FGD5: variants seen among roughly 807,000 people sequenced by gnomAD.
The protein encoded by FGD5 is FYVE, RhoGEF and PH domain-containing protein 5.
In FGD5, 28 loss-of-function variants were observed where a neutral mutation model predicts 133.4. That is an observed-to-expected ratio of 0.21 (90% CI 0.16 to 0.29). The LOEUF (loss-of-function observed/expected upper bound fraction) is 0.29. Among genes scored for constraint, FGD5 ranks in the 10% least tolerant of loss-of-function variants. The pLI is 1.00. For missense variants in FGD5, 1,858 were observed against 1,895.2 expected (o/e 0.98, Z 0.36); for synonymous variants, 810 against 776.5 (o/e 1.04, Z -0.72).
intron 12 of FGD5, among the ~76,000 whole-genome samples, chr3:14,918,256 G>A (rs1172293512): frequency 3.3e-5 from 5 of 152,264 alleles, no homozygotes; most frequent in African/African-American, 1.2e-4. Context: ...AGGTGGGACA[G>A]TGGAGCCGCA....
chr3:14,859,585 G>T (rs191199532), intron 1 of FGD5, among the ~76,000 whole-genome samples: 260 of 151,754 alleles, frequency 1.7e-3, no homozygotes, highest in African/African-American at 5.9e-3. Flanking sequence ...AAGAAAGAAA[G>T]AAAAGTTACC....
chr3:14,810,748 G>A, upstream of FGD5: 1 of 948,732 alleles, frequency 1.1e-6, no homozygotes. Flanking sequence ...GCCAGGGGGT[G>A]CGGGCCCCGC....
At position 14,819,525 on chromosome 3, in the gene FGD5, G is replaced by A. The variant is rs1176074949; in HGVS notation, c.454G>A (p.Asp152Asn). ...TGAGGATGAAGGGGAGGGCTGCGCT[G>A]ATGAGCCAGGGACACTGGAGCAGGT... ...ALEDEGEGCA[D>N]EPGTLEQVSR... Residue 152 changes from aspartate (D) to asparagine (N), a missense_variant, in exon 1 of 20, where the codon GAT (aspartate) becomes AAT (asparagine). Physicochemically the swap from Asp to Asn is conservative, Grantham distance 23. Around this residue, in one of 3 missense-constraint regions of FGD5, gnomAD observed 1,824 missense variants for 1,848.9 expected, o/e 0.99. Transcript: ENST00000285046. This position sits in a 1 kb window ranked among gnomAD's most constrained non-coding sequence, Gnocchi z 4.1. The A allele has an allele frequency of 2.6e-6, 4 of 1,551,384 alleles. No individual in the cohort carries two copies. The African/African-American group carries it at 5.5e-5, about 21-fold the overall frequency.
chr3:14,890,540 A>G (rs944909164), intron 4 of FGD5, among the ~76,000 whole-genome samples: 10 of 152,242 alleles, frequency 6.6e-5, no homozygotes, highest in African/African-American at 1.9e-4. Context: ...TGATGGGCCC[A>G]AGTTGATGAG....
intron 1 of FGD5, among the ~76,000 whole-genome samples, chr3:14,839,591 G>T (rs762220346): frequency 3.9e-5 from 6 of 152,218 alleles, no homozygotes; most frequent in Non-Finnish European, 7.3e-5. Flanking sequence ...TGCTAGGACA[G>T]TCCAGAGGGA....
rs1322015791 is a variant in FGD5, at chr3:14,844,213, AAAAAATATATATATATATATATAT to A, written c.2526-19913_2526-19890del. ...ACATCTTAATAGGCATTAAAAAAAA[AAAAAATATATATATATATATATAT>A]ATATATATATATATATATATATATA... On this transcript the variant is annotated intron_variant, in intron 1 of 19. Transcript: ENST00000285046. Among the ~76,000 whole-genome samples, 13 of 32,648 alleles carry A rather than the reference AAAAAATATATATATATATATATAT, an allele frequency of 4.0e-4. 1 individual carries two copies. The highest frequency in any genetic ancestry group is 0.024 in the Middle Eastern group (2 of 82). 21.4% of individuals were successfully genotyped at this position (32,648 alleles called of 152,430 possible).
chr3:14,869,855 G>T (rs78820346), intron 2 of FGD5, among the ~76,000 whole-genome samples: 13,091 of 152,274 alleles, frequency 0.086, 773 homozygotes, highest in East Asian at 0.31. Context: ...CAGATGCATG[G>T]GTTGCTTTCA....
intron 17 of FGD5, among the ~76,000 whole-genome samples, chr3:14,925,786 A>G (rs1013393073): frequency 3.9e-5 from 6 of 152,192 alleles, no homozygotes; most frequent in Non-Finnish European, 8.8e-5. Flanking sequence ...AAGTTTCTTG[A>G]GTTGAGGGGC....
At chr3:14,910,194 AT>A (rs1428149384) in intron 10 of FGD5, among the ~76,000 whole-genome samples, 8 of 152,226 alleles carry the variant, frequency 5.3e-5, no homozygotes, top group Non-Finnish European at 8.8e-5. Context: ...GCAGAATGTA[AT>A]ACAGAGCATG....
At position 14,820,161 on chromosome 3, in the gene FGD5, C is replaced by T. The variant is rs778365056; in HGVS notation, c.1090C>T (p.Pro364Ser). ...CTCTTTTTGCAGCGAGAGCTGTTCT[C>T]CTCTTTCTGAATCAGCGAAAGGTTT... ...STSFCSESCS[P>S]LSESAKGLES... Residue 364 changes from proline to serine, a missense_variant, in exon 1 of 20, where the codon CCT (proline) becomes TCT (serine). Coordinates refer to ENST00000285046, the MANE Select transcript of FGD5 (RefSeq NM_152536.4). The T allele has an allele frequency of 2.5e-6, 4 of 1,613,958 alleles. No individual in the cohort carries two copies. In the East Asian group the frequency reaches 6.7e-5, roughly 27 times the overall value.
In FGD5 at chr3:14,820,250, G is replaced by C; in HGVS notation, c.1179G>C (p.Leu393Phe). The change falls in exon 1 of 20, where the codon TTG (leucine) becomes TTC (phenylalanine). Residue 393 changes from leucine to phenylalanine, a missense_variant. Physicochemically the swap from Leu to Phe is conservative, Grantham distance 22. Coordinates refer to ENST00000285046, the MANE Select transcript of FGD5 (RefSeq NM_152536.4). ...AGGAGAACCCCATGGTGGGGGCTTT[G>C]TGTGGCCAGTGTGGCTCCCTACAGG... The part of the protein sequence containing the change: ...RAEENPMVGA[L>F]CGQCGSLQGG... 3 of 1,603,872 alleles carry C rather than the reference G, an allele frequency of 1.9e-6. No homozygotes were observed. Among genetic ancestry groups the C allele is most frequent in the African/African-American group, 2.7e-5 (2 of 74,818 alleles).
At chr3:14,932,457 G>A (rs1470939146) in intron 18 of FGD5, 120 bp from the exon 19 acceptor site, 12 of 1,169,736 alleles carry the variant, frequency 1.0e-5, no homozygotes, top group African/African-American at 9.4e-5. Context: ...TGGTGAGCCC[G>A]AAGGTGCCAA....
chr3:14,914,994 G>A (rs971514326), intron 11 of FGD5, among the ~76,000 whole-genome samples: 3 of 152,258 alleles, frequency 2.0e-5, no homozygotes, highest in African/African-American at 4.8e-5. Flanking sequence ...GCCAGACACC[G>A]ATTTTTGTTG....
At chr3:14,837,621 C>T (rs1469420994) in intron 1 of FGD5, among the ~76,000 whole-genome samples, 1 of 151,878 alleles carries the variant, frequency 6.6e-6, no homozygotes, top group Non-Finnish European at 1.5e-5. Flanking sequence ...GCTTCTCCCA[C>T]GGAGAGGGGG....
intron 13 of FGD5, chr3:14,921,161 C>G (rs1004999706): frequency 6.6e-6 from 1 of 152,444 alleles, no homozygotes; most frequent in African/African-American, 2.4e-5. Context: ...CTTGAAGCTC[C>G]CAGGGGACCG....
intron 2 of FGD5, among the ~76,000 whole-genome samples, chr3:14,871,678 C>T (rs1315248286): frequency 1.3e-5 from 2 of 152,168 alleles, no homozygotes; most frequent in East Asian, 3.8e-4. Flanking sequence ...GTATGCCTCA[C>T]ACGCCTTGCT....
chr3:14,902,847 A>G (rs1020981633), intron 9 of FGD5, among the ~76,000 whole-genome samples: 3 of 152,188 alleles, frequency 2.0e-5, no homozygotes, highest in African/African-American at 7.2e-5. Flanking sequence ...GCAGGGATAC[A>G]TCTTCCCTCC....
intron 1 of FGD5, among the ~76,000 whole-genome samples, chr3:14,812,617 G>A (rs1018364362): frequency 6.6e-6 from 1 of 152,158 alleles, no homozygotes; most frequent in African/African-American, 2.4e-5. Context: ...AATGATACCA[G>A]CCTCACATTC....
intron 1 of FGD5, among the ~76,000 whole-genome samples, chr3:14,844,220 ATATATATATATATATATATATATAT>A (rs1559477429): frequency 0.03 from 486 of 16,356 alleles, 54 homozygotes; most frequent in African/African-American, 0.065. Context: ...AAAAAAAAAT[ATATATATATATATATATATATATAT>A]ATATATATAT....
Sources: gnomAD v4.1 joint callset for allele counts (sites outside exome capture counted in the v4.1 genomes callset) on GRCh38, gnomAD v4.1.1 for gene constraint, gnomAD v4.1.1 regional missense constraint, Gnocchi (gnomAD v3.1) non-coding constraint, MANE v1.5 for transcripts, NCBI Gene and HGNC (gene_info 2026-07-23, HGNC 2026-07-21) for gene names.